The following FRMD4A variants were observed in gnomAD, a reference collection of about 807,000 sequenced individuals.
FRMD4A encodes FERM domain containing 4A, also known as FERM domain-containing protein 4A.
Under a neutral mutation model 129.1 loss-of-function variants are expected in FRMD4A, and 29 were observed. The ratio of observed to expected loss-of-function variants is 0.22; its 90% CI spans 0.17 to 0.31. FRMD4A has a LOEUF of 0.31. Among genes scored for constraint, FRMD4A ranks in the 10% least tolerant of loss-of-function variants. The pLI is 1.00. For missense variants in FRMD4A, 1,272 were observed against 1,375.8 expected, an observed-to-expected ratio of 0.92 and a Z score of 1.19; for synonymous variants, 634 against 571.6, an observed-to-expected ratio of 1.11 and a Z score of -1.56.
chr10:13,832,699 G>A (rs2130944641), intron 3 of FRMD4A, among the ~76,000 whole-genome samples: 2 of 152,292 alleles, frequency 1.3e-5, no homozygotes, highest in South Asian at 4.1e-4. Flanking sequence ...ACACCCCTAG[G>A]GGACTAGAGG....
At chr10:13,685,615 C>T (rs2084998351) in intron 15 of FRMD4A, 1 of 984,494 alleles carries the variant, frequency 1.0e-6, no homozygotes, top group South Asian at 4.7e-5. Context: ...AGGGCTGGCC[C>T]TAAATGGGAA....
chr10:13,823,694 C>T (rs1388490951), intron 3 of FRMD4A, among the ~76,000 whole-genome samples: 4 of 152,192 alleles, frequency 2.6e-5, no homozygotes, highest in African/African-American at 9.7e-5. Context: ...GCTGCCCGTG[C>T]ACTCACTGGG....
intron 3 of FRMD4A, among the ~76,000 whole-genome samples, chr10:13,838,603 G>A (rs2093913464): frequency 6.6e-6 from 1 of 150,872 alleles, no homozygotes; most frequent in Non-Finnish European, 1.5e-5. Context: ...AGCAATTCTG[G>A]TGCCTCAGCC....
intron 2 of FRMD4A, among the ~76,000 whole-genome samples, chr10:13,925,566 C>CTTATTTTTTTTT (rs2095122616): frequency 1.6e-5 from 1 of 61,938 alleles, no homozygotes; most frequent in Non-Finnish European, 2.7e-5. Context: ...TAGTGAAACG[C>CTTATTTTTTTTT]TTTTTTTTTT....
intron 9 of FRMD4A, among the ~76,000 whole-genome samples, chr10:13,740,823 G>GTCTT (rs2090947769): frequency 9.5e-6 from 1 of 105,108 alleles, no homozygotes; most frequent in African/African-American, 3.9e-5. Flanking sequence ...TGTCTTGGAT[G>GTCTT]TTTGTTTTTT....
chr10:13,837,510 G>A (rs1173683953), intron 3 of FRMD4A, among the ~76,000 whole-genome samples: 1 of 152,338 alleles, frequency 6.6e-6, no homozygotes, highest in South Asian at 2.1e-4. Flanking sequence ...GCAGTGGGGA[G>A]ACTACAGCAG....
chr10:13,764,535 C>T (rs2092209844), intron 6 of FRMD4A, among the ~76,000 whole-genome samples: 1 of 137,942 alleles, frequency 7.2e-6, no homozygotes, highest in Non-Finnish European at 1.6e-5. Flanking sequence ...ACAAACAAAA[C>T]CTAACAACAA....
chr10:13,881,310 G>C (rs2094544122), intron 2 of FRMD4A, among the ~76,000 whole-genome samples: 1 of 151,348 alleles, frequency 6.6e-6, no homozygotes, highest in African/African-American at 2.4e-5. Context: ...GTAGTTCCAG[G>C]TACTGGGGAG....
intron 2 of FRMD4A, among the ~76,000 whole-genome samples, chr10:14,181,309 G>T (rs910591047): frequency 6.6e-6 from 1 of 151,886 alleles, no homozygotes; most frequent in Admixed American, 6.6e-5. Context: ...TTTCCTTAAG[G>T]TTTGTGGTTT....
At chr10:13,706,106 G>C (rs901500900) in intron 13 of FRMD4A, among the ~76,000 whole-genome samples, 3 of 152,108 alleles carry the variant, frequency 2.0e-5, no homozygotes, top group African/African-American at 2.4e-5. Context: ...TTGGTGCCAA[G>C]TCCTCCTTCT....
rs144666366 is a variant in FRMD4A at position 13,976,063 on chromosome 10, C to G, written c.46-117151G>C. ...CTTGGTGTCTAAAGGGTAGGGAATACCATGTTAGACACCAGGAAGACAGAG... is the reference window on the plus strand; with the variant it reads ...CTTGGTGTCTAAAGGGTAGGGAATAGCATGTTAGACACCAGGAAGACAGAG... On this transcript the variant is annotated intron_variant, in intron 2 of 24. Transcript: ENST00000357447. Among the ~76,000 whole-genome samples the G allele has an allele frequency of 2.6e-5, 4 of 152,234 alleles. No individual in the cohort carries two copies. The East Asian group carries it at 7.7e-4, about 29-fold the overall frequency.
At chr10:14,118,709 C>A (rs1477528910) in intron 2 of FRMD4A, among the ~76,000 whole-genome samples, 1 of 152,160 alleles carries the variant, frequency 6.6e-6, no homozygotes, top group Non-Finnish European at 1.5e-5. Context: ...GGGGAACTCC[C>A]ATTTATAAAA....
intron 2 of FRMD4A, among the ~76,000 whole-genome samples, chr10:13,884,214 A>ACACACT (rs879666130): frequency 0.061 from 6,985 of 114,208 alleles, 463 homozygotes; most frequent in East Asian, 0.19. Flanking sequence ...ACACTCACAC[A>ACACACT]CACACACACA....
At chr10:13,904,363 C>A (rs970310878) in intron 2 of FRMD4A, among the ~76,000 whole-genome samples, 2 of 152,246 alleles carry the variant, frequency 1.3e-5, no homozygotes, top group Non-Finnish European at 2.9e-5. Flanking sequence ...CCCACTCACT[C>A]TTCCAGCTCC....
intron 6 of FRMD4A, among the ~76,000 whole-genome samples, chr10:13,773,115 C>G (rs1376799414): frequency 6.6e-6 from 1 of 152,120 alleles, no homozygotes; most frequent in Non-Finnish European, 1.5e-5. Context: ...ATTTAAAAAA[C>G]CAAAGTAAAC....
intron 2 of FRMD4A, among the ~76,000 whole-genome samples, chr10:14,105,849 G>A (rs1837559945): frequency 6.6e-6 from 1 of 151,976 alleles, no homozygotes; most frequent in Non-Finnish European, 1.5e-5. Context: ...GAATCTCTGT[G>A]GTGTTGTTTA....
chr10:14,045,618 TAAG>T (rs538695014), intron 2 of FRMD4A, among the ~76,000 whole-genome samples: 119 of 147,898 alleles, frequency 8.0e-4, no homozygotes, highest in Non-Finnish European at 1.1e-3. Flanking sequence ...TAATTATGTA[TAAG>T]ATGATATACA....
At chr10:13,814,479 G>GCT (rs1455637156) in intron 3 of FRMD4A, among the ~76,000 whole-genome samples, 2 of 147,392 alleles carry the variant, frequency 1.4e-5, no homozygotes, top group Non-Finnish European at 3.0e-5. Context: ...TATTCAGGAA[G>GCT]CTCAGACCGG....
intron 6 of FRMD4A, among the ~76,000 whole-genome samples, chr10:13,764,276 G>A (rs912688837): frequency 2.6e-5 from 4 of 150,956 alleles, no homozygotes; most frequent in South Asian, 2.1e-4. Context: ...AGGCAGAGGC[G>A]GATGGATCAC....
Sources: gnomAD v4.1 joint callset for allele counts (sites outside exome capture counted in the v4.1 genomes callset) on GRCh38, gnomAD v4.1.1 for gene constraint, MANE v1.5 for transcripts, NCBI Gene and HGNC (gene_info 2026-07-23, HGNC 2026-07-21) for gene names.